Variants in VILL observed in about 807,000 individuals in gnomAD.
VILL encodes the protein villin-like protein.
A neutral mutation model predicts 106.3 loss-of-function variants in VILL; 102 were observed. That is an observed-to-expected ratio of 0.96 (90% CI 0.82 to 1.13). The LOEUF (loss-of-function observed/expected upper bound fraction) is 1.13. Among genes scored for constraint, VILL ranks in the 50% most tolerant of loss-of-function variants. The pLI, the probability that VILL is intolerant of heterozygous loss-of-function variation, is 0.00. For synonymous variants in VILL, 431 were observed against 440.3 expected (o/e 0.98, Z 0.27); for missense variants, 1,076 against 1,116.6 (o/e 0.96, Z 0.52).
Position 38,005,784 on chromosome 3 carries a change from T to C in VILL, c.1951-8T>C. 6.2e-7 allele frequency: 1 copy of C among 1,604,440 alleles called. No homozygotes were observed. Among genetic ancestry groups the C allele is most frequent in the South Asian group, 1.1e-5 (1 of 89,600 alleles). Reference sequence around the variant, plus strand: ...CCTGCCCAAGGCCAGGTCCCCTCTGTGGCTCAGATCTTCCTGTGGCTTGGG... The same window carrying C: ...CCTGCCCAAGGCCAGGTCCCCTCTGCGGCTCAGATCTTCCTGTGGCTTGGG... On this transcript the variant is annotated splice_region_variant and splice_polypyrimidine_tract_variant and intron_variant, in intron 16 of 19. Coordinates refer to ENST00000383759, the MANE Select transcript of VILL (RefSeq NM_015873.4).
intron 1 of VILL, among the ~76,000 whole-genome samples, chr3:37,992,204 T>A (rs1178015234): frequency 6.6e-6 from 1 of 152,204 alleles, no homozygotes; most frequent in Non-Finnish European, 1.5e-5. Flanking sequence ...TGTCTGCACC[T>A]CTGGTCACTG....
At position 37,994,433 on chromosome 3, in the gene VILL, A is replaced by G. The variant is rs946741231; in HGVS notation, c.308A>G (p.Asp103Gly). The stretch of plus-strand genomic sequence containing the variant: ...CGCGAGGCGCAGGGCCACGAGTCCG[A>G]CTGCTTCTGCAGCTACTTCCGCCCG... The part of the protein sequence containing the change: ...LHREAQGHES[D>G]CFCSYFRPGI... Residue 103 changes from aspartate to glycine, a missense_variant, in exon 4 of 20, where the codon GAC becomes GGC. Physicochemically the swap from Asp to Gly is moderately conservative, Grantham distance 94. Transcript: ENST00000383759. 12 of 1,612,538 alleles carry G rather than the reference A, an allele frequency of 7.4e-6. No individual in the cohort carries two copies. In the African/African-American group the frequency reaches 1.3e-4, roughly 18 times the overall value.
At chr3:38,005,063 T>C (rs867394159) in intron 16 of VILL, among the ~76,000 whole-genome samples, 27 of 152,154 alleles carry the variant, frequency 1.8e-4, no homozygotes, top group African/African-American at 5.3e-4. Context: ...TGTGTGGCTA[T>C]GGTTTGCTGT....
At position 37,997,621 on chromosome 3, in the gene VILL, C is replaced by T. The variant is rs762746307; in HGVS notation, c.700C>T (p.Leu234=). 1.9e-6 allele frequency: 3 copies of T among 1,598,118 alleles called. No individual in the cohort carries two copies. The highest frequency in any genetic ancestry group is 2.6e-6 in the Non-Finnish European group (3 of 1,170,348). Reference sequence around the variant, plus strand: ...TGTGCTGGGCCGCAGGGTGGGCAGCCTGCGTGCCGCCACGCCCAGCAAGGA... The same window carrying T: ...TGTGCTGGGCCGCAGGGTGGGCAGCTTGCGTGCCGCCACGCCCAGCAAGGA... ...EAVLGRRVGS[L]RAATPSKDIN... is the part of the protein sequence containing the mutation. The change falls in exon 7 of 20, where the codon CTG becomes TTG. Residue 234 remains leucine, a synonymous_variant. Transcript: ENST00000383759. The surrounding 1 kb of genome is among the most constrained non-coding windows in gnomAD (Gnocchi z 4.7).
chr3:37,998,837 G>T lies in VILL; in HGVS notation c.943-75G>T. Reference sequence around the variant, plus strand: ...CTTCTTGGAGCTCGGCTGTCCCAGAGCGGTAGGTCCCCAGGAGCGGCAGTG... The same window carrying T: ...CTTCTTGGAGCTCGGCTGTCCCAGATCGGTAGGTCCCCAGGAGCGGCAGTG... On this transcript the variant is annotated intron_variant, in intron 9 of 19. Transcript: ENST00000383759. The surrounding 1 kb of genome is among the most constrained non-coding windows in gnomAD (Gnocchi z 4.1). The T allele has an allele frequency of 9.2e-6, 14 of 1,527,580 alleles. No individual in the cohort carries two copies. Among genetic ancestry groups the T allele is most frequent in the Non-Finnish European group, 1.1e-5 (13 of 1,132,388 alleles). 94.6% of individuals were successfully genotyped at this position (1,527,580 alleles called of 1,614,324 possible).
Position 37,997,575 on chromosome 3 carries a change from C to A in VILL, c.654C>A (p.Asp218Glu), listed in dbSNP as rs138422439. ...TGGATGATGAGGCCAAAGCCCCGGA[C>A]CTCATGCAGATCATGGAGGCTGTGC... ...GVVDDEAKAPDLMQIMEAVLG... is the reference protein window; with the variant it reads ...GVVDDEAKAPELMQIMEAVLG... The change falls in exon 7 of 20, where the codon GAC (aspartate) becomes GAA (glutamate). Residue 218 changes from aspartate to glutamate, a missense_variant. Asp to Glu is a conservative substitution (Grantham distance 45). Coordinates refer to ENST00000383759, the MANE Select transcript of VILL (RefSeq NM_015873.4). This position sits in a 1 kb window ranked among gnomAD's most constrained non-coding sequence, Gnocchi z 4.7. The A allele has an allele frequency of 3.3e-4, 529 of 1,613,992 alleles. No homozygotes were observed. Among genetic ancestry groups the A allele is most frequent in the Non-Finnish European group, 4.4e-4 (519 of 1,180,030 alleles).
chr3:37,994,180 T>G (rs570296039), intron 3 of VILL, 81 bp from the exon 4 acceptor site: 80 of 1,511,394 alleles, frequency 5.3e-5, no homozygotes, highest in Non-Finnish European at 6.8e-5. Flanking sequence ...CGTCTCCCCA[T>G]GGCCCTTGGT....
chr3:37,999,251 T>C, intron 10 of VILL, 88 bp from the exon 11 acceptor site: 9 of 1,180,870 alleles, frequency 7.6e-6, no homozygotes, highest in South Asian at 1.7e-5. Flanking sequence ...ACCTGGAATC[T>C]TGGAGGGATG....
rs761947123 is a variant in VILL at position 38,006,216 on chromosome 3, C to G, written c.2169C>G (p.Ser723Arg). The change falls in exon 18 of 20, where the codon AGC (serine) becomes AGG (arginine). Residue 723 changes from serine to arginine, a missense_variant. Transcript: ENST00000383759. Reference protein sequence around the residue: ...HPSHKEVVDGSPAAASTISEI... With the variant: ...HPSHKEVVDGRPAAASTISEI... ...CCCACAAGGAAGTGGTGGATGGCAG[C>G]CCGGCAGCAGCATCAACCATCTCTG... The G allele has an allele frequency of 3.7e-6, 6 of 1,614,100 alleles. No individual in the cohort carries two copies. Among genetic ancestry groups the G allele is most frequent in the Non-Finnish European group, 5.1e-6 (6 of 1,180,032 alleles).
Position 37,998,685 on chromosome 3 carries a change from G to C in VILL, c.943-227G>C, listed in dbSNP as rs1024286000. ...GGCTCTCTCTGTCTGGGGTCCGTGA[G>C]GGTTGACATGGCCTGTCCTGCACGA... On this transcript the variant is annotated intron_variant, in intron 9 of 19. Coordinates refer to ENST00000383759, the MANE Select transcript of VILL (RefSeq NM_015873.4). The surrounding 1 kb of genome is among the most constrained non-coding windows in gnomAD (Gnocchi z 4.1). Among the ~76,000 whole-genome samples, 2 of 152,186 alleles carry C rather than the reference G, an allele frequency of 1.3e-5. No individual in the cohort carries two copies. The highest frequency in any genetic ancestry group is 2.4e-5 in the African/African-American group (1 of 41,448).
rs1260830157 is a variant in VILL, at chr3:37,995,755, C to A, written c.358C>A (p.Leu120Ile). The part of the protein sequence containing the change: ...RPGIIYRKGG[L>I]ASDLKHVETN... ...CCACCTCAGCTACAGGAAGGGAGGC[C>A]TAGCATCTGACCTCAAGCATGTGGA... The change falls in exon 5 of 20, where the codon CTA becomes ATA. Residue 120 changes from leucine (L) to isoleucine (I), a missense_variant. By Grantham distance (5) the Leu-to-Ile change is conservative (BLOSUM62 2). Transcript: ENST00000383759. The A allele has an allele frequency of 6.2e-7, 1 of 1,613,690 alleles. No homozygotes were observed. Among genetic ancestry groups the A allele is most frequent in the Admixed American group, 1.7e-5 (1 of 59,992 alleles).
chr3:37,997,782 G>A lies in VILL; in HGVS notation c.764+97G>A. Reference sequence around the variant, plus strand: ...CACGGCATCTCTAGAAGGCCCTCCAGCAAAGGCTGCTGGGTTTCTGGGACA... The same window carrying A: ...CACGGCATCTCTAGAAGGCCCTCCAACAAAGGCTGCTGGGTTTCTGGGACA... On this transcript the variant is annotated intron_variant, in intron 7 of 19. Coordinates refer to ENST00000383759, the MANE Select transcript of VILL (RefSeq NM_015873.4). This position sits in a 1 kb window ranked among gnomAD's most constrained non-coding sequence, Gnocchi z 4.7. 1.5e-6 allele frequency: 2 copies of A among 1,359,018 alleles called. No homozygotes were observed. Among genetic ancestry groups the A allele is most frequent in the Non-Finnish European group, 2.0e-6 (2 of 1,004,324 alleles). The allele number at this position is 1,359,018 out of a possible 1,614,324, so 84.2% of individuals were successfully genotyped here.
chr3:37,997,745 C>A lies in VILL; in HGVS notation c.764+60C>A. On this transcript the variant is annotated intron_variant, in intron 7 of 19. Coordinates refer to ENST00000383759, the MANE Select transcript of VILL (RefSeq NM_015873.4). This position sits in a 1 kb window ranked among gnomAD's most constrained non-coding sequence, Gnocchi z 4.7. ...ACAGTCCAGGACTCTGTGTCCATCA[C>A]TACTGCAATAACACGGCATCTCTAG... The A allele has an allele frequency of 1.3e-6, 2 of 1,539,500 alleles. No homozygotes were observed. Among genetic ancestry groups the A allele is most frequent in the Non-Finnish European group, 1.8e-6 (2 of 1,137,476 alleles).
rs1699649740 is a variant in VILL, at chr3:37,993,896, A to G, written c.61-2A>G. 1 of 1,614,198 alleles carries G rather than the reference A, an allele frequency of 6.2e-7. No homozygotes were observed. Among genetic ancestry groups the G allele is most frequent in the Non-Finnish European group, 8.5e-7 (1 of 1,180,020 alleles). On this transcript the variant is annotated splice_acceptor_variant, in intron 2 of 19. Coordinates refer to ENST00000383759, the MANE Select transcript of VILL (RefSeq NM_015873.4). LOFTEE classifies it high-confidence loss of function. The stretch of plus-strand genomic sequence containing the variant: ...TTGTTACAGGGAACTCTCCTCTCCC[A>G]GAACCGGAAGATGGTGCCGGTACCC...
chr3:38,001,379 T>G (rs1699812599), intron 11 of VILL, 77 bp from the exon 12 acceptor site: 1 of 1,579,800 alleles, frequency 6.3e-7, no homozygotes, highest in African/African-American at 1.3e-5. Flanking sequence ...TGGGGAGAGC[T>G]TTCCGGTTGG....
chr3:37,999,306 G>A, intron 10 of VILL, 33 bp from the exon 11 acceptor site: 2 of 1,464,720 alleles, frequency 1.4e-6, no homozygotes, highest in South Asian at 2.7e-5. Context: ...GGGGGGCAGA[G>A]GGCGCCACTG....
Position 38,006,594 on chromosome 3 carries a change from C to G in VILL, c.2351C>G (p.Ser784Cys). Residue 784 changes from serine to cysteine, a missense_variant, in exon 19 of 20, where the codon TCC (serine) becomes TGC (cysteine). Physicochemically the swap from Ser to Cys is moderately radical, Grantham distance 112. Transcript: ENST00000383759. The stretch of plus-strand genomic sequence containing the variant: ...TCGGCTGGCAGCAGAACCAGCAGCT[C>G]CGTCAGCAGCACCAGCGCCACGATC... ...PKSAGSRTSS[S>C]VSSTSATING... 6.2e-7 allele frequency: 1 copy of G among 1,614,120 alleles called. No homozygotes were observed. The highest frequency in any genetic ancestry group is 8.5e-7 in the Non-Finnish European group (1 of 1,180,034).
rs954551823 is a variant in VILL, at chr3:37,990,931, C to T, written c.-87+102C>T. 1 of 152,394 alleles carries T rather than the reference C, an allele frequency of 6.6e-6. No individual in the cohort carries two copies. Among genetic ancestry groups the T allele is most frequent in the African/African-American group, 2.4e-5 (1 of 41,446 alleles). The allele number at this position is 152,394 out of a possible 1,614,324, so 9.4% of individuals were successfully genotyped here. A position where few individuals can be genotyped will look rare whatever the true frequency, so the allele number is the denominator to read the frequency against. ...GCATAGAGCATAGGGTCCCAGGGCTCAGGGCCACAGAGCCTCCGCGGCAGA... is the reference window on the plus strand; with the variant it reads ...GCATAGAGCATAGGGTCCCAGGGCTTAGGGCCACAGAGCCTCCGCGGCAGA... On this transcript the variant is annotated intron_variant, in intron 1 of 19. Transcript: ENST00000383759. This position sits in a 1 kb window ranked among gnomAD's most constrained non-coding sequence, Gnocchi z 5.1.
chr3:37,994,501 G>T (rs1465856026), intron 4 of VILL, 35 bp downstream of exon 4: 2 of 1,594,538 alleles, frequency 1.3e-6, no homozygotes, highest in Non-Finnish European at 1.7e-6. Flanking sequence ...GGAGGGAGCC[G>T]TGGAGGCGGT....
Sources: allele counts gnomAD v4.1 joint callset (sites outside exome capture counted in the v4.1 genomes callset), GRCh38; gene constraint gnomAD v4.1.1; non-coding constraint Gnocchi (gnomAD v3.1); transcripts MANE v1.5; gene names NCBI Gene and HGNC (gene_info 2026-07-23, HGNC 2026-07-21).